The following UBR4 variants were observed in gnomAD, a reference collection of about 807,000 sequenced individuals.
The protein encoded by UBR4 is ubiquitin protein ligase E3 component n-recognin 4.
Under a neutral mutation model 575.6 loss-of-function variants are expected in UBR4, and 124 were observed. The ratio of observed to expected loss-of-function variants is 0.22; its 90% CI spans 0.19 to 0.25. UBR4 has a LOEUF of 0.25. Ranked by LOEUF, UBR4 falls within the 10% of genes least tolerant of loss-of-function variation. The pLI is 1.00. For missense variants in UBR4, 4,818 were observed against 6,478.8 expected (o/e 0.74, Z 8.80); for synonymous variants, 2,455 against 2,473.7 (o/e 0.99, Z 0.22).
Position 19,161,020 on chromosome 1 carries a change from G to A in UBR4, c.5303C>T (p.Ala1768Val), listed in dbSNP as rs753006902. Residue 1768 changes from alanine (A) to valine (V), a missense_variant, in exon 38 of 106, where the codon GCC becomes GTC. Ala to Val is a moderately conservative substitution (Grantham distance 64). Coordinates refer to ENST00000375254, the MANE Select transcript of UBR4 (RefSeq NM_020765.3). ...HASTSSPADK[A>V]KVTISDGKVA... is the part of the protein sequence containing the mutation. The stretch of plus-strand genomic sequence containing the variant: ...CTTTCCATCACTGATGGTAACCTTG[G>A]CTTTGTCAGCTGGCGAGGAGGTGCT... The A allele has an allele frequency of 1.9e-6, 3 of 1,613,988 alleles. No homozygotes were observed. The African/African-American group carries it at 4.0e-5, about 22-fold the overall frequency.
At chr1:19,184,243 T>G in intron 15 of UBR4, 68 bp from the exon 16 acceptor site, 1 of 1,507,870 alleles carries the variant, frequency 6.6e-7, no homozygotes, top group East Asian at 2.3e-5. Context: ...AAACTCTGAT[T>G]ACAAATAGAA....
intron 64 of UBR4, among the ~76,000 whole-genome samples, chr1:19,125,390 A>G (rs993320320): frequency 1.2e-4 from 18 of 152,272 alleles, no homozygotes; most frequent in African/African-American, 4.1e-4. Flanking sequence ...CAGGTGAAGG[A>G]GCACACAGGG....
intron 64 of UBR4, among the ~76,000 whole-genome samples, chr1:19,125,015 A>G (rs1241520852): frequency 2.0e-5 from 3 of 149,628 alleles, no homozygotes; most frequent in African/African-American, 4.9e-5. Flanking sequence ...AAAAAATTGG[A>G]AAAAAAAAAG....
rs540916244 is a variant in UBR4 at position 19,075,353 on chromosome 1, C to G, written c.15488-457G>C. On this transcript the variant is annotated intron_variant, in intron 105 of 105. Transcript: ENST00000375254. Reference sequence around the variant, plus strand: ...TCCTTCCTCTGCCCACCTCCTCCTCCTCTCACTAGCTCCAACTTCCACAGT... The same window carrying G: ...TCCTTCCTCTGCCCACCTCCTCCTCGTCTCACTAGCTCCAACTTCCACAGT... 2.3e-5 allele frequency: 5 copies of G among 214,086 alleles called. No homozygotes were observed. In the East Asian group the frequency reaches 6.4e-4, roughly 27 times the overall value. 13.3% of individuals were successfully genotyped at this position (214,086 alleles called of 1,614,324 possible).
Position 19,093,809 on chromosome 1 carries a change from A to G in UBR4, c.13937+140T>C, listed in dbSNP as rs1255412248. ...GTATATTTTAACTATTCACTTCCCA[A>G]CTAGACTGAGCTCCTTAAAAGCCAG... On this transcript the variant is annotated intron_variant, in intron 95 of 105. Coordinates refer to ENST00000375254, the MANE Select transcript of UBR4 (RefSeq NM_020765.3). This position sits in a 1 kb window ranked among gnomAD's most constrained non-coding sequence, Gnocchi z 4.8. 9.9e-7 allele frequency: 1 copy of G among 1,012,018 alleles called. No individual in the cohort carries two copies. The highest frequency in any genetic ancestry group is 2.6e-5 in the East Asian group (1 of 38,204). 62.7% of individuals were successfully genotyped at this position (1,012,018 alleles called of 1,614,324 possible). A position where few individuals can be genotyped will look rare whatever the true frequency, so the allele number is the denominator to read the frequency against.
At chr1:19,186,862 T>C (rs1435294254) in intron 13 of UBR4, among the ~76,000 whole-genome samples, 1 of 151,984 alleles carries the variant, frequency 6.6e-6, no homozygotes, top group Non-Finnish European at 1.5e-5. Flanking sequence ...CAGGAGTGTT[T>C]CCATAGTGTC....
chr1:19,191,787 C>T (rs1054426622), intron 11 of UBR4, among the ~76,000 whole-genome samples: 16 of 152,308 alleles, frequency 1.1e-4, no homozygotes, highest in Non-Finnish European at 1.9e-4. Flanking sequence ...ATCAAAACAA[C>T]AGCAAATATT....
intron 19 of UBR4, 80 bp from the exon 20 acceptor site, chr1:19,176,807 G>C: frequency 6.8e-7 from 1 of 1,472,518 alleles, no homozygotes; most frequent in South Asian, 1.3e-5. Context: ...TAATAGCTCG[G>C]TACACTGAAT....
chr1:19,205,574 TA>T (rs1228578042), intron 1 of UBR4, among the ~76,000 whole-genome samples: 1 of 152,014 alleles, frequency 6.6e-6, no homozygotes, highest in Non-Finnish European at 1.5e-5. Flanking sequence ...AATGTGATAC[TA>T]AGACATAGAA....
intron 66 of UBR4, among the ~76,000 whole-genome samples, chr1:19,122,331 A>G (rs2081270258): frequency 6.6e-6 from 1 of 152,256 alleles, no homozygotes; most frequent in African/African-American, 2.4e-5. Context: ...AATCCAGTTT[A>G]CTTTTCTTGA....
At chr1:19,182,141 T>C (rs2091032512) in intron 17 of UBR4, among the ~76,000 whole-genome samples, 1 of 152,240 alleles carries the variant, frequency 6.6e-6, no homozygotes, top group South Asian at 2.1e-4. Context: ...ATTTCCTTCC[T>C]TCTGAAGGCT....
At position 19,184,089 on chromosome 1, in the gene UBR4, A is replaced by G. The variant is rs578183662; in HGVS notation, c.2025T>C (p.Ser675=). 11 of 1,614,142 alleles carry G rather than the reference A, an allele frequency of 6.8e-6. No individual in the cohort carries two copies. Among genetic ancestry groups the G allele is most frequent in the Middle Eastern group, 3.3e-4 (2 of 6,062 alleles). ...SRNNFIRNYL[S]VSLSEHHMAT... ...CCATATGGTGTTCTGAAAGAGATAC[A>G]CTCAGATAGTTTCGGATAAAATTGT... The change falls in exon 16 of 106, where the codon AGT becomes AGC. Residue 675 remains serine (S), a synonymous_variant. Transcript: ENST00000375254.
Position 19,153,594 on chromosome 1 carries a change from G to T in UBR4, c.6631-92C>A, listed in dbSNP as rs2086032961. ...GAGGCAGAGATGCAACTGGTTTCAT[G>T]GTCAGTTGAGGGGCTGTACAGAAGG... On this transcript the variant is annotated intron_variant, in intron 45 of 105. Transcript: ENST00000375254. The surrounding 1 kb of genome is among the most constrained non-coding windows in gnomAD (Gnocchi z 4.1). 1.3e-5 allele frequency: 20 copies of T among 1,521,742 alleles called. No homozygotes were observed. The highest frequency in any genetic ancestry group is 1.8e-5 in the Non-Finnish European group (20 of 1,106,268). The allele number at this position is 1,521,742 out of a possible 1,614,324, so 94.3% of individuals were successfully genotyped here. A position where few individuals can be genotyped will look rare whatever the true frequency, so the allele number is the denominator to read the frequency against.
chr1:19,075,925 A>G (rs2075889711), intron 105 of UBR4, among the ~76,000 whole-genome samples: 1 of 152,244 alleles, frequency 6.6e-6, no homozygotes, highest in African/African-American at 2.4e-5. Context: ...AAGATCATAA[A>G]AAAGAGCTGG....
intron 73 of UBR4, among the ~76,000 whole-genome samples, chr1:19,116,213 G>A: frequency 6.6e-6 from 1 of 152,306 alleles, no homozygotes; most frequent in Middle Eastern, 3.4e-3. Context: ...TTAAACCCTG[G>A]AAGTGGGGTC....
At chr1:19,159,514 C>T (rs1038383754) in intron 39 of UBR4, among the ~76,000 whole-genome samples, 1 of 151,998 alleles carries the variant, frequency 6.6e-6, no homozygotes, top group African/African-American at 2.4e-5. Flanking sequence ...AGTTCCCCAC[C>T]TCTTGGAGAT....
intron 54 of UBR4, 92 bp from the exon 55 acceptor site, chr1:19,144,183 ATG>A: frequency 8.6e-7 from 1 of 1,157,664 alleles, no homozygotes; most frequent in Admixed American, 1.8e-5. Context: ...ACTCACTCAC[ATG>A]CAAGTGGAAT....
At chr1:19,161,236 A>T in intron 37 of UBR4, 89 bp from the exon 38 acceptor site, 3 of 1,262,240 alleles carry the variant, frequency 2.4e-6, no homozygotes, top group Non-Finnish European at 3.4e-6. Flanking sequence ...ATTTGACCCA[A>T]AGAAGAAACT....
At chr1:19,195,930 A>C (rs1472254953) in intron 8 of UBR4, among the ~76,000 whole-genome samples, 1 of 150,852 alleles carries the variant, frequency 6.6e-6, no homozygotes, top group Non-Finnish European at 1.5e-5. Flanking sequence ...CCAATTATAC[A>C]ACACCCACGA....
Sources: allele counts gnomAD v4.1 joint callset (sites outside exome capture counted in the v4.1 genomes callset), GRCh38; gene constraint gnomAD v4.1.1; non-coding constraint Gnocchi (gnomAD v3.1); transcripts MANE v1.5; gene names NCBI Gene and HGNC (gene_info 2026-07-23, HGNC 2026-07-21).